The following XKR6 variants were observed in gnomAD, a reference collection of about 807,000 sequenced individuals.
XKR6 encodes the protein XK-related protein 6.
Under a neutral mutation model 56.7 loss-of-function variants are expected in XKR6, and 22 were observed. That is an observed-to-expected ratio of 0.39 (90% CI 0.28 to 0.55). The LOEUF is 0.55. XKR6 is among the 20% of genes least tolerant of loss of function. The pLI is 0.66. For missense variants in XKR6, 852 were observed against 889.0 expected (o/e 0.96, Z 0.53); for synonymous variants, 524 against 387.8 (o/e 1.35, Z -4.13).
At chr8:11,123,555 A>C (rs1381489531) in intron 1 of XKR6, 3 of 265,976 alleles carry the variant, frequency 1.1e-5, no homozygotes, top group African/African-American at 6.7e-5. Context: ...CACCAACCTC[A>C]AACTGGAACT....
chr8:11,014,664 T>C (rs1233929557), intron 1 of XKR6, among the ~76,000 whole-genome samples: 1 of 152,118 alleles, frequency 6.6e-6, no homozygotes, highest in Non-Finnish European at 1.5e-5. Context: ...TGAGGATCAC[T>C]CAACACAGAT....
At chr8:10,952,137 A>G (rs1316731780) in intron 1 of XKR6, among the ~76,000 whole-genome samples, 1 of 152,056 alleles carries the variant, frequency 6.6e-6, no homozygotes, top group African/African-American at 2.4e-5. Context: ...CCCCATCCCC[A>G]TCCCAGGCCT....
intron 1 of XKR6, among the ~76,000 whole-genome samples, chr8:10,969,302 T>C (rs547065735): frequency 2.0e-5 from 3 of 152,262 alleles, no homozygotes; most frequent in Admixed American, 6.5e-5. Flanking sequence ...CCGTGTTGCT[T>C]TGGAGGCTGT....
At chr8:11,073,539 A>G (rs1053166921) in intron 1 of XKR6, among the ~76,000 whole-genome samples, 2 of 152,234 alleles carry the variant, frequency 1.3e-5, no homozygotes, top group Non-Finnish European at 2.9e-5. Context: ...GAAACAGCCC[A>G]GATTTAGTCT....
intron 1 of XKR6, among the ~76,000 whole-genome samples, chr8:11,183,925 C>T (rs945330515): frequency 3.3e-5 from 5 of 152,138 alleles, no homozygotes; most frequent in African/African-American, 9.7e-5. Context: ...ATGCTTTATA[C>T]AATGCCAACA....
intron 1 of XKR6, among the ~76,000 whole-genome samples, chr8:10,982,381 A>G (rs958166369): frequency 1.3e-5 from 2 of 152,346 alleles, no homozygotes; most frequent in South Asian, 2.1e-4. Flanking sequence ...TGCATTCAAA[A>G]ATGACAGGCA....
chr8:10,949,722 G>A (rs1431772233), intron 1 of XKR6, among the ~76,000 whole-genome samples: 1 of 152,210 alleles, frequency 6.6e-6, no homozygotes, highest in Non-Finnish European at 1.5e-5. Context: ...GTCAAGGACC[G>A]GTGCCTACAG....
At chr8:11,136,129 C>G (rs557152850) in intron 1 of XKR6, among the ~76,000 whole-genome samples, 36 of 152,228 alleles carry the variant, frequency 2.4e-4, no homozygotes, top group Admixed American at 1.2e-3. Context: ...ATCTGCGAGG[C>G]AATAAAAAAG....
chr8:11,157,820 G>T (rs1244226152), intron 1 of XKR6, among the ~76,000 whole-genome samples: 1 of 152,044 alleles, frequency 6.6e-6, no homozygotes, highest in African/African-American at 2.4e-5. Context: ...TGGCCAAAAT[G>T]TTTATTTCTT....
At chr8:11,006,046 G>C (rs1447095807) in intron 1 of XKR6, among the ~76,000 whole-genome samples, 1 of 151,924 alleles carries the variant, frequency 6.6e-6, no homozygotes, top group South Asian at 2.1e-4. Context: ...GTTTCACCAT[G>C]GTGGCCAGGC....
rs1454445537 is a variant in XKR6, at chr8:11,065,689, C to T, written c.764+134887G>A. Among the ~76,000 whole-genome samples, 5 of 152,104 alleles carry T rather than the reference C, an allele frequency of 3.3e-5. No homozygotes were observed. In the South Asian group the frequency reaches 1.0e-3, roughly 32 times the overall value. ...ACTCCTTCCTCTCATTCCACGTGAA[C>T]TCCATCTTTCCCTCCAAGCCGGGCT... On this transcript the variant is annotated intron_variant, in intron 1 of 2. Coordinates refer to ENST00000416569, the MANE Select transcript of XKR6 (RefSeq NM_173683.4).
intron 1 of XKR6, among the ~76,000 whole-genome samples, chr8:11,037,108 C>A (rs1194018211): frequency 1.3e-5 from 2 of 152,220 alleles, no homozygotes; most frequent in Admixed American, 6.5e-5. Context: ...AGAAATAACA[C>A]AACACTTCTC....
chr8:11,051,495 G>T (rs751807477), intron 1 of XKR6, among the ~76,000 whole-genome samples: 1 of 152,030 alleles, frequency 6.6e-6, no homozygotes, highest in Admixed American at 6.6e-5. Context: ...TTCTTCCTTC[G>T]GGCTTCCCCA....
At chr8:10,908,918 A>G (rs534962500) in intron 2 of XKR6, among the ~76,000 whole-genome samples, 1 of 152,282 alleles carries the variant, frequency 6.6e-6, no homozygotes, top group Admixed American at 6.5e-5. Context: ...TAATCCCAGA[A>G]CTTTGGGAGG....
At chr8:10,968,595 G>A (rs947489166) in intron 1 of XKR6, among the ~76,000 whole-genome samples, 2 of 152,166 alleles carry the variant, frequency 1.3e-5, no homozygotes, top group African/African-American at 4.8e-5. Context: ...ACCAGTCCTC[G>A]GTGTTTGCCC....
chr8:11,128,688 T>C (rs1810049951), intron 1 of XKR6: 1 of 380,626 alleles, frequency 2.6e-6, no homozygotes, highest in African/African-American at 2.1e-5. Flanking sequence ...ACCCTGATGT[T>C]GTTAAATGGC....
intron 1 of XKR6, among the ~76,000 whole-genome samples, chr8:11,073,751 A>T (rs1196122306): frequency 6.6e-6 from 1 of 152,208 alleles, no homozygotes; most frequent in Admixed American, 6.5e-5. Flanking sequence ...AGCCTTGCCA[A>T]GAAGCTTGTT....
chr8:10,930,841 G>C (rs1215928062), intron 1 of XKR6, among the ~76,000 whole-genome samples: 1 of 152,310 alleles, frequency 6.6e-6, no homozygotes, highest in East Asian at 1.9e-4. Context: ...ATAAAAGACT[G>C]AATGCTTTTG....
chr8:10,942,347 T>G (rs1314496976), intron 1 of XKR6, among the ~76,000 whole-genome samples: 1 of 152,202 alleles, frequency 6.6e-6, no homozygotes, highest in Non-Finnish European at 1.5e-5. Flanking sequence ...ACAGCTCAGC[T>G]TCCATCTATA....
Sources: allele counts gnomAD v4.1 joint callset (sites outside exome capture counted in the v4.1 genomes callset), GRCh38; gene constraint gnomAD v4.1.1; transcripts MANE v1.5; gene names NCBI Gene and HGNC (gene_info 2026-07-23, HGNC 2026-07-21).